The following EYS variants were observed in gnomAD, a reference collection of about 807,000 sequenced individuals.
EYS encodes EGF-like photoreceptor maintenance factor.
EYS carries 250 observed loss-of-function variants against 282.1 expected under a neutral mutation model. That is an observed-to-expected ratio of 0.89 (90% CI 0.80 to 0.98). EYS has a LOEUF of 0.98. Ranked by LOEUF, EYS falls within the 50% of genes least tolerant of loss-of-function variation. EYS has a pLI of 0.00. For missense variants in EYS, 4,016 were observed against 3,709.0 expected (o/e 1.08, Z -2.15); for synonymous variants, 1,355 against 1,282.9 (o/e 1.06, Z -1.20).
chr6:63,956,853 A>AT (rs888018774), intron 35 of EYS, among the ~76,000 whole-genome samples: 11 of 151,574 alleles, frequency 7.3e-5, no homozygotes, highest in Non-Finnish European at 1.5e-4. Flanking sequence ...TGTGACTAAA[A>AT]TTTTTTTTTG....
At chr6:63,749,692 G>A (rs1769295323) in intron 41 of EYS, among the ~76,000 whole-genome samples, 2 of 152,152 alleles carry the variant, frequency 1.3e-5, no homozygotes, top group African/African-American at 4.8e-5. Context: ...CTGCTGCCAG[G>A]ATTCCAGAGG....
intron 12 of EYS, among the ~76,000 whole-genome samples, chr6:65,099,203 C>T (rs940069873): frequency 6.6e-5 from 10 of 150,484 alleles, no homozygotes; most frequent in African/African-American, 2.4e-4. Flanking sequence ...TTATATGTGG[C>T]ATAGGTCTTA....
chr6:64,377,299 T>A (rs1215140449), intron 29 of EYS, among the ~76,000 whole-genome samples: 8 of 152,192 alleles, frequency 5.3e-5, no homozygotes, highest in Admixed American at 5.2e-4. Flanking sequence ...TTAAATTTGT[T>A]ATAATACTAA....
intron 31 of EYS, among the ~76,000 whole-genome samples, chr6:64,210,442 TC>T (rs1224186389): frequency 6.6e-6 from 1 of 152,100 alleles, no homozygotes; most frequent in Non-Finnish European, 1.5e-5. Flanking sequence ...CCGTGGTGTC[TC>T]CTTTTGTGTC....
intron 2 of EYS, among the ~76,000 whole-genome samples, chr6:65,593,599 A>G (rs1408715504): frequency 6.6e-6 from 1 of 152,018 alleles, no homozygotes; most frequent in Non-Finnish European, 1.5e-5. Flanking sequence ...ACACTATTGA[A>G]AACTACTCTT....
chr6:64,939,430 G>A (rs888725300), intron 15 of EYS, among the ~76,000 whole-genome samples: 2 of 151,756 alleles, frequency 1.3e-5, no homozygotes, highest in African/African-American at 2.4e-5. Context: ...CCATGTCAGG[G>A]TTATCTAGAA....
chr6:64,349,200 T>G (rs1389999316), intron 29 of EYS, among the ~76,000 whole-genome samples: 2 of 151,372 alleles, frequency 1.3e-5, no homozygotes, highest in Non-Finnish European at 3.0e-5. Flanking sequence ...ATGTATAATA[T>G]TACTATCAAC....
chr6:65,514,133 C>G (rs576005510), intron 2 of EYS, among the ~76,000 whole-genome samples: 1 of 152,072 alleles, frequency 6.6e-6, no homozygotes, highest in African/African-American at 2.4e-5. Context: ...CACAAGCATT[C>G]TTATACACCA....
intron 13 of EYS, among the ~76,000 whole-genome samples, chr6:65,042,317 T>C (rs1240685531): frequency 6.6e-6 from 1 of 151,654 alleles, no homozygotes; most frequent in East Asian, 1.9e-4. Context: ...GAATAATCTA[T>C]ACCTCGGTTG....
At chr6:65,537,397 T>C (rs907884720) in intron 2 of EYS, among the ~76,000 whole-genome samples, 5 of 152,160 alleles carry the variant, frequency 3.3e-5, no homozygotes, top group Non-Finnish European at 7.4e-5. Flanking sequence ...TATGTGTATA[T>C]GTAAATTAAA....
intron 1 of EYS, among the ~76,000 whole-genome samples, chr6:65,700,130 A>AAAAAAAAAAC (rs1769617684): frequency 6.6e-6 from 1 of 150,390 alleles, no homozygotes; most frequent in Non-Finnish European, 1.5e-5. Context: ...AAAAAAAAAA[A>AAAAAAAAAAC]AAAAAAAAAC....
At chr6:64,781,679 A>G (rs1773868791) in intron 22 of EYS, among the ~76,000 whole-genome samples, 1 of 151,772 alleles carries the variant, frequency 6.6e-6, no homozygotes, top group African/African-American at 2.4e-5. Flanking sequence ...GTTGACTATG[A>G]TATTCTGTGT....
intron 8 of EYS, among the ~76,000 whole-genome samples, chr6:65,372,841 G>A (rs1426771211): frequency 1.3e-5 from 2 of 151,794 alleles, no homozygotes; most frequent in African/African-American, 4.8e-5. Flanking sequence ...AATTAATAAG[G>A]TTCTGACCTA....
At chr6:65,250,397 A>G (rs1767290759) in intron 12 of EYS, among the ~76,000 whole-genome samples, 4 of 151,978 alleles carry the variant, frequency 2.6e-5, no homozygotes, top group Admixed American at 1.3e-4. Flanking sequence ...AAGAGACACT[A>G]TCAGTTGGTA....
At chr6:64,539,612 G>T (rs1370629620) in intron 26 of EYS, among the ~76,000 whole-genome samples, 1 of 152,004 alleles carries the variant, frequency 6.6e-6, no homozygotes, top group Non-Finnish European at 1.5e-5. Context: ...AATCTTATTT[G>T]CTGGGTCTGG....
intron 2 of EYS, among the ~76,000 whole-genome samples, chr6:65,575,222 A>G (rs1764619622): frequency 6.6e-6 from 1 of 151,784 alleles, no homozygotes; most frequent in Non-Finnish European, 1.5e-5. Flanking sequence ...ACCTACTCCG[A>G]AGGCTGAAGC....
At chr6:65,189,248 A>G (rs910645749) in intron 12 of EYS, among the ~76,000 whole-genome samples, 2 of 151,758 alleles carry the variant, frequency 1.3e-5, no homozygotes, top group Non-Finnish European at 2.9e-5. Context: ...ATAAATATCT[A>G]TATGATTAAA....
intron 13 of EYS, among the ~76,000 whole-genome samples, chr6:65,052,225 G>A (rs576981495): frequency 6.6e-6 from 1 of 151,640 alleles, no homozygotes; most frequent in African/African-American, 2.4e-5. Flanking sequence ...AGATGAGTAA[G>A]TGTGCTTAAT....
intron 29 of EYS, among the ~76,000 whole-genome samples, chr6:64,352,473 C>T (rs1323545826): frequency 6.6e-6 from 1 of 151,496 alleles, no homozygotes; most frequent in Non-Finnish European, 1.5e-5. Context: ...TTCACTATCT[C>T]TATTGTTTTC....
Sources: gnomAD v4.1 joint callset for allele counts (sites outside exome capture counted in the v4.1 genomes callset) on GRCh38, gnomAD v4.1.1 for gene constraint, MANE v1.5 for transcripts, NCBI Gene and HGNC (gene_info 2026-07-23, HGNC 2026-07-21) for gene names.